PCDHGB2: variants seen among roughly 807,000 people sequenced by gnomAD.
PCDHGB2 encodes protocadherin gamma-B2.
In PCDHGB2, 55 loss-of-function variants were observed where a neutral mutation model predicts 59.3. The ratio of observed to expected loss-of-function variants is 0.93; its 90% confidence interval spans 0.75 to 1.16. The LOEUF (loss-of-function observed/expected upper bound fraction) is 1.16. PCDHGB2 is among the 50% of genes most tolerant of loss of function. The pLI is 0.00. For synonymous variants in PCDHGB2, 516 were observed against 512.0 expected, an observed-to-expected ratio of 1.01 and a Z score of -0.11; for missense variants, 1,228 against 1,198.5, an observed-to-expected ratio of 1.02 and a Z score of -0.36.
intron 1 of PCDHGB2, chr5:141,385,861 G>A (rs561611576): frequency 8.5e-5 from 13 of 153,290 alleles, no homozygotes; most frequent in African/African-American, 2.6e-4. Flanking sequence ...GGTGGTAGTA[G>A]AAGGTTGGAT....
In PCDHGB2 at chr5:141,485,433, A is replaced by G. The variant is rs2099613324; in HGVS notation, c.2422-9374A>G. On this transcript the variant is annotated intron_variant, in intron 1 of 3. Transcript: ENST00000522605. The surrounding 1 kb of genome is among the most constrained non-coding windows in gnomAD (Gnocchi z 5.7). The stretch of plus-strand genomic sequence containing the variant: ...TTGGACAGCGGAGCCCTGCTCATCA[A>G]GAACCCAATCGACCGAGAGGCACTG... 6 of 1,614,208 alleles carry G rather than the reference A, an allele frequency of 3.7e-6. No homozygotes were observed. Among genetic ancestry groups the G allele is most frequent in the Non-Finnish European group, 5.1e-6 (6 of 1,180,030 alleles).
chr5:141,450,823 A>ATT (rs1453980247), intron 1 of PCDHGB2, among the ~76,000 whole-genome samples: 2 of 133,076 alleles, frequency 1.5e-5, no homozygotes, highest in East Asian at 2.2e-4. Flanking sequence ...TAATATTATT[A>ATT]TTATTATTTT....
At chr5:141,389,766 C>G in intron 1 of PCDHGB2, 1 of 1,613,060 alleles carries the variant, frequency 6.2e-7, no homozygotes, top group Non-Finnish European at 8.5e-7. Flanking sequence ...GCGCACAGCG[C>G]GTGCCTTAGG....
intron 2 of PCDHGB2, among the ~76,000 whole-genome samples, chr5:141,502,828 G>T (rs928458403): frequency 6.6e-6 from 1 of 150,704 alleles, no homozygotes; most frequent in Non-Finnish European, 1.5e-5. Context: ...CCTTGGGGAA[G>T]CCTGGACTGG....
chr5:141,422,328 TGCTCTTCTAAA>T (rs2096641385), intron 1 of PCDHGB2: 1 of 1,548,384 alleles, frequency 6.5e-7, no homozygotes, highest in Admixed American at 2.1e-5. Flanking sequence ...GTACAGTGAT[TGCTCTTCTAAA>T]TGTGCAAGAT....
At chr5:141,414,245 T>A in intron 1 of PCDHGB2, 2 of 1,613,498 alleles carry the variant, frequency 1.2e-6, no homozygotes, top group Non-Finnish European at 1.7e-6. Context: ...ACGTCTCTAT[T>A]TAGTCCAGTG....
intron 1 of PCDHGB2, among the ~76,000 whole-genome samples, chr5:141,457,224 A>G (rs1176186371): frequency 6.6e-6 from 1 of 152,158 alleles, no homozygotes; most frequent in African/African-American, 2.4e-5. Flanking sequence ...GTGGTAGGTA[A>G]TTTCCATCTA....
At chr5:141,453,042 A>G (rs2098754438) in intron 1 of PCDHGB2, among the ~76,000 whole-genome samples, 1 of 152,116 alleles carries the variant, frequency 6.6e-6, no homozygotes, top group Non-Finnish European at 1.5e-5. Context: ...GTTTGTTTCT[A>G]TTATGTGCAG....
intron 1 of PCDHGB2, among the ~76,000 whole-genome samples, chr5:141,465,040 C>T (rs1396261200): frequency 6.6e-6 from 1 of 151,842 alleles, no homozygotes; most frequent in Non-Finnish European, 1.5e-5. Context: ...CCACAAATGA[C>T]CCTATATATT....
At position 141,416,083 on chromosome 5, in the gene PCDHGB2, A is replaced by T. The variant is rs183563665; in HGVS notation, c.2421+53527A>T. The T allele has an allele frequency of 1.6e-4, 27 of 167,232 alleles. 1 individual carries two copies. The East Asian group carries it at 3.9e-3, about 24-fold the overall frequency. The allele number at this position is 167,232 out of a possible 1,614,324, so 10.4% of individuals were successfully genotyped here. A position where few individuals can be genotyped will look rare whatever the true frequency, so the allele number is the denominator to read the frequency against. On this transcript the variant is annotated intron_variant, in intron 1 of 3. Transcript: ENST00000522605. Reference sequence around the variant, plus strand: ...AGAATACTCAATGCAGTTCTTCCCAAGGAGAAGGGCAATAGGCCTTTTTCA... The same window carrying T: ...AGAATACTCAATGCAGTTCTTCCCATGGAGAAGGGCAATAGGCCTTTTTCA...
intron 1 of PCDHGB2, among the ~76,000 whole-genome samples, chr5:141,467,296 A>T (rs1032802325): frequency 1.3e-5 from 2 of 151,740 alleles, no homozygotes; most frequent in South Asian, 4.2e-4. Flanking sequence ...CAAGTGATCC[A>T]CTCACCTCGG....
rs1475894704 is a variant in PCDHGB2 at position 141,361,322 on chromosome 5, C to A, written c.1187C>A (p.Ser396Tyr). The change falls in exon 1 of 4, where the codon TCT (serine) becomes TAT (tyrosine). Residue 396 changes from serine (S) to tyrosine (Y), a missense_variant. This residue lies in a region of PCDHGB2 where 781 missense variants were observed against 721.6 expected (regional missense o/e 1.08). Coordinates refer to ENST00000522605, the MANE Select transcript of PCDHGB2 (RefSeq NM_018923.3). ...GGAAATGCCAAGTTTATTTTGAAAT[C>A]TTCCTCAAAGAACTATTACAAACTA... ...VLGNAKFILKSSSKNYYKLVT... is the reference protein window; with the variant it reads ...VLGNAKFILKYSSKNYYKLVT... 1 of 1,613,960 alleles carries A rather than the reference C, an allele frequency of 6.2e-7. No homozygotes were observed.
intron 1 of PCDHGB2, chr5:141,410,481 G>C: frequency 6.2e-7 from 1 of 1,613,966 alleles, no homozygotes; most frequent in Non-Finnish European, 8.5e-7. Flanking sequence ...GCACATACGG[G>C]TACAAAAGAG....
At chr5:141,484,311 C>T (rs1234690996) in intron 1 of PCDHGB2, among the ~76,000 whole-genome samples, 2 of 152,196 alleles carry the variant, frequency 1.3e-5, no homozygotes, top group African/African-American at 4.8e-5. Flanking sequence ...CTCCACCCCG[C>T]TTCCATACTG....
In PCDHGB2 at chr5:141,511,405, T is replaced by C. The variant is rs1274658643; in HGVS notation, c.*232T>C. The C allele has an allele frequency of 2.2e-5, 21 of 944,066 alleles. No homozygotes were observed. In the East Asian group the frequency reaches 5.8e-4, roughly 26 times the overall value. 58.5% of individuals were successfully genotyped at this position (944,066 alleles called of 1,614,324 possible). On this transcript the variant is annotated 3_prime_UTR_variant, in exon 4 of 4. Transcript: ENST00000522605. ...CGCTGGGAACCCCCATCCAATCAACTGCTGTACCCATGGGGGTAGTGGGGT... is the reference window on the plus strand; with the variant it reads ...CGCTGGGAACCCCCATCCAATCAACCGCTGTACCCATGGGGGTAGTGGGGT...
At chr5:141,465,923 C>G (rs908350232) in intron 1 of PCDHGB2, among the ~76,000 whole-genome samples, 2 of 152,062 alleles carry the variant, frequency 1.3e-5, no homozygotes, top group African/African-American at 4.8e-5. Flanking sequence ...GATTTCGAGT[C>G]CATCCTGGCT....
In PCDHGB2 at chr5:141,360,676, G is replaced by C; in HGVS notation, c.541G>C (p.Ala181Pro). ...HLNDNEYFDL[A>P]EKQTPDGRKY... ...TAATGACAACGAGTACTTTGATCTC[G>C]CTGAGAAACAGACTCCAGATGGTCG... Residue 181 changes from alanine (A) to proline (P), a missense_variant, in exon 1 of 4, where the codon GCT becomes CCT. Transcript: ENST00000522605. 1.2e-6 allele frequency: 2 copies of C among 1,613,952 alleles called. No homozygotes were observed. Among genetic ancestry groups the C allele is most frequent in the Non-Finnish European group, 1.7e-6 (2 of 1,179,898 alleles).
In PCDHGB2 at chr5:141,366,896, A is replaced by T. The variant is rs73265840; in HGVS notation, c.2421+4340A>T. On this transcript the variant is annotated intron_variant, in intron 1 of 3. Coordinates refer to ENST00000522605, the MANE Select transcript of PCDHGB2 (RefSeq NM_018923.3). The stretch of plus-strand genomic sequence containing the variant: ...GAGATTAATTTTTTTTATATAATTC[A>T]TGCTTTCTCCATTTGTTTTCAAATT... The T allele has an allele frequency of 1.9e-3, 2,253 of 1,216,574 alleles. 33 individuals carry two copies. The African/African-American group carries it at 0.031, about 17-fold the overall frequency. The allele number at this position is 1,216,574 out of a possible 1,614,324, so 75.4% of individuals were successfully genotyped here.
intron 1 of PCDHGB2, chr5:141,415,504 C>G (rs1444248720): frequency 1.2e-6 from 2 of 1,614,216 alleles, no homozygotes; most frequent in South Asian, 2.2e-5. Flanking sequence ...CTTCCCCCAG[C>G]CCAATTATGC....
Sources: gnomAD v4.1 joint callset for allele counts (sites outside exome capture counted in the v4.1 genomes callset) on GRCh38, gnomAD v4.1.1 for gene constraint, gnomAD v4.1.1 regional missense constraint, Gnocchi (gnomAD v3.1) non-coding constraint, MANE v1.5 for transcripts, NCBI Gene and HGNC (gene_info 2026-07-23, HGNC 2026-07-21) for gene names.